ADGRA3: variants seen among roughly 807,000 people sequenced by gnomAD.
ADGRA3 encodes the protein G-protein coupled receptor 125.
A neutral mutation model predicts 119.8 loss-of-function variants in ADGRA3; 56 were observed. The ratio of observed to expected loss-of-function variants is 0.47; its 90% CI spans 0.38 to 0.58. The LOEUF is 0.58. Among genes scored for constraint, ADGRA3 ranks in the 20% least tolerant of loss-of-function variants. The probability of loss-of-function intolerance (pLI) is 0.00; values close to 1 mark genes in which losing one functional copy is unlikely to be tolerated. For synonymous variants in ADGRA3, 607 were observed against 623.8 expected (o/e 0.97, Z 0.40); for missense variants, 1,516 against 1,649.0 (o/e 0.92, Z 1.40).
At chr4:22,464,198 G>A (rs1331733610) in intron 2 of ADGRA3, among the ~76,000 whole-genome samples, 1 of 152,054 alleles carries the variant, frequency 6.6e-6, no homozygotes, top group Non-Finnish European at 1.5e-5. Flanking sequence ...TACCATCACT[G>A]GGTAGGTATT....
intron 2 of ADGRA3, among the ~76,000 whole-genome samples, 157 bp from the exon 3 acceptor site, chr4:22,461,965 A>C (rs1717478524): frequency 6.6e-6 from 1 of 152,200 alleles, no homozygotes; most frequent in Non-Finnish European, 1.5e-5. Context: ...CAGTAGTAAA[A>C]GGGAGAGTCA....
chr4:22,474,724 T>C (rs1189240864), intron 1 of ADGRA3, among the ~76,000 whole-genome samples: 1 of 152,180 alleles, frequency 6.6e-6, no homozygotes, highest in East Asian at 1.9e-4. Flanking sequence ...CCAGATTTTG[T>C]ACCCAGGAGT....
At chr4:22,433,121 T>C (rs1470380232) in intron 10 of ADGRA3, among the ~76,000 whole-genome samples, 2 of 152,180 alleles carry the variant, frequency 1.3e-5, no homozygotes, top group African/African-American at 2.4e-5. Context: ...TTATCACATT[T>C]ATATCTCAAT....
intron 2 of ADGRA3, among the ~76,000 whole-genome samples, chr4:22,462,742 T>C (rs2109103691): frequency 6.6e-6 from 1 of 152,332 alleles, no homozygotes; most frequent in African/African-American, 2.4e-5. Flanking sequence ...ATTTATCCTA[T>C]TCTTCTCAAG....
chr4:22,499,150 T>C (rs1718960174), intron 1 of ADGRA3, among the ~76,000 whole-genome samples: 1 of 152,236 alleles, frequency 6.6e-6, no homozygotes, highest in Non-Finnish European at 1.5e-5. Context: ...TCACCCTTGC[T>C]ATTATAATGC....
At chr4:22,421,881 CAAAAAAAAAAAAAA>C (rs754845592) in intron 11 of ADGRA3, among the ~76,000 whole-genome samples, 4 of 70,426 alleles carry the variant, frequency 5.7e-5, no homozygotes, top group South Asian at 1.2e-3. Context: ...ACTCAGTCTC[CAAAAAAAAAAAAAA>C]AAAAAAAAAA....
chr4:22,389,096 G>A lies in ADGRA3; in HGVS notation c.2715C>T (p.Asn905=), dbSNP rs143611399. The part of the protein sequence containing the change: ...ANIKNYGSRP[N]APYCWMAWEP... ...GAATATAAAATACTCACTAGGGTGC[G>A]TTTGGCCGACTGCCGTAATTCTTAA... Residue 905 remains asparagine, a synonymous_variant, in exon 18 of 19, where the codon AAC becomes AAT. Transcript: ENST00000334304. The A allele has an allele frequency of 2.6e-4, 416 of 1,613,674 alleles. 2 individuals carry two copies. Among genetic ancestry groups the A allele is most frequent in the East Asian group, 2.3e-3 (102 of 44,878 alleles).
In ADGRA3 at chr4:22,388,217, T is replaced by G. The variant is rs766112442; in HGVS notation, c.3454A>C (p.Lys1152Gln). 35 of 1,614,038 alleles carry G rather than the reference T, an allele frequency of 2.2e-5. No homozygotes were observed. The highest frequency in any genetic ancestry group is 1.2e-4 in the Admixed American group (7 of 59,998). Residue 1152 changes from lysine to glutamine, a missense_variant, in exon 19 of 19, where the codon AAA becomes CAA. Physicochemically the swap from Lys to Gln is moderately conservative, Grantham distance 53 (BLOSUM62 1). Around this residue, in one of 2 missense-constraint regions of ADGRA3, gnomAD observed 1,088 missense variants for 1,107.1 expected, o/e 0.98. Coordinates refer to ENST00000334304, the MANE Select transcript of ADGRA3 (RefSeq NM_145290.4). ...LTEHSMDNDI[K>Q]MHVAPLEVQF... is the part of the protein sequence containing the mutation. ...ACTTCTAAAGGCGCCACGTGCATTT[T>G]AATATCATTGTCCATTGAATGTTCT...
chr4:22,427,833 A>G (rs937737931), intron 10 of ADGRA3, among the ~76,000 whole-genome samples: 1 of 152,178 alleles, frequency 6.6e-6, no homozygotes, highest in Non-Finnish European at 1.5e-5. Flanking sequence ...CCCGAAGGCC[A>G]CTCCAGCCAC....
At chr4:22,431,983 G>A (rs1716190120) in intron 10 of ADGRA3, among the ~76,000 whole-genome samples, 1 of 152,092 alleles carries the variant, frequency 6.6e-6, no homozygotes, top group Admixed American at 6.6e-5. Flanking sequence ...TAAAGTTGCA[G>A]TTTCCAAGAA....
chr4:22,435,024 CACA>C (rs1716338611), intron 10 of ADGRA3, among the ~76,000 whole-genome samples: 1 of 152,162 alleles, frequency 6.6e-6, no homozygotes, highest in Non-Finnish European at 1.5e-5. Context: ...CTGCCTAAGC[CACA>C]ACGTGGAGGC....
chr4:22,489,207 C>T (rs1718541949), intron 1 of ADGRA3, among the ~76,000 whole-genome samples: 1 of 152,210 alleles, frequency 6.6e-6, no homozygotes, highest in East Asian at 1.9e-4. Context: ...CTCATAAAAC[C>T]GTCAGATCTC....
At position 22,388,741 on chromosome 4, in the gene ADGRA3, G is replaced by T. The variant is rs768003943; in HGVS notation, c.2930C>A (p.Ser977Tyr). Residue 977 changes from serine (S) to tyrosine (Y), a missense_variant, in exon 19 of 19, where the codon TCT becomes TAT. By Grantham distance (144) the Ser-to-Tyr change is moderately radical. Around this residue, in one of 2 missense-constraint regions of ADGRA3, gnomAD observed 1,088 missense variants for 1,107.1 expected, o/e 0.98. Coordinates refer to ENST00000334304, the MANE Select transcript of ADGRA3 (RefSeq NM_145290.4). ...GGCTGATGTAGAAATCAGAGACAAAGACATTGAATCCTGATGATTTATTTC... is the reference window on the plus strand; with the variant it reads ...GGCTGATGTAGAAATCAGAGACAAATACATTGAATCCTGATGATTTATTTC... ...NGEINHQDSM[S>Y]LSLISTSALE... The T allele has an allele frequency of 2.5e-5, 40 of 1,613,898 alleles. No individual in the cohort carries two copies. The Admixed American group carries it at 6.7e-4, about 27-fold the overall frequency.
At chr4:22,470,993 G>C (rs79999002) in intron 2 of ADGRA3, among the ~76,000 whole-genome samples, 14,496 of 152,166 alleles carry the variant, frequency 0.095, 784 homozygotes, top group African/African-American at 0.12. Flanking sequence ...GAAAGCAGGA[G>C]TGGGTGGATG....
chr4:22,421,081 G>A lies in ADGRA3; in HGVS notation c.1614C>T (p.Pro538=). The change falls in exon 12 of 19, where the codon CCC becomes CCT. Residue 538 remains proline (P), a synonymous_variant. Transcript: ENST00000334304. ...GGAHVYSTYS[P]NIALEAYVIK... is the part of the protein sequence containing the mutation. ...TGACATAAGCTTCCAGAGCAATATT[G>A]GGTGAATACTTGAAAAGTCAATCAA... 2 of 1,613,006 alleles carry A rather than the reference G, an allele frequency of 1.2e-6. No individual in the cohort carries two copies. Among genetic ancestry groups the A allele is most frequent in the Non-Finnish European group, 1.7e-6 (2 of 1,179,280 alleles).
At chr4:22,435,579 A>G (rs1348417122) in intron 9 of ADGRA3, 113 bp from the exon 10 acceptor site, 1 of 941,748 alleles carries the variant, frequency 1.1e-6, no homozygotes, top group Non-Finnish European at 1.5e-6. Flanking sequence ...AAACTTTATT[A>G]TTTACTCATC....
intron 6 of ADGRA3, among the ~76,000 whole-genome samples, chr4:22,444,664 T>C (rs1716760367): frequency 6.6e-6 from 1 of 152,124 alleles, no homozygotes; most frequent in Admixed American, 6.5e-5. Flanking sequence ...GAGATTGTGT[T>C]ACTACAGACA....
At chr4:22,455,613 T>C (rs1717209241) in intron 3 of ADGRA3, among the ~76,000 whole-genome samples, 1 of 152,230 alleles carries the variant, frequency 6.6e-6, no homozygotes, top group South Asian at 2.1e-4. Context: ...TTTTTACTTC[T>C]CCTCAATGAA....
At chr4:22,410,286 T>C (rs1034879381) in intron 14 of ADGRA3, among the ~76,000 whole-genome samples, 6 of 152,178 alleles carry the variant, frequency 3.9e-5, no homozygotes, top group African/African-American at 1.2e-4. Context: ...CTACTTTCTA[T>C]TCAGTTTTCT....
Sources: allele counts gnomAD v4.1 joint callset (sites outside exome capture counted in the v4.1 genomes callset), GRCh38; gene constraint gnomAD v4.1.1; regional missense constraint gnomAD v4.1.1; transcripts MANE v1.5; gene names NCBI Gene and HGNC (gene_info 2026-07-23, HGNC 2026-07-21).